CHST8: variants seen among roughly 807,000 people sequenced by gnomAD.
The protein encoded by CHST8 is carbohydrate sulfotransferase 8, also known as GALNAC-4-ST1.
CHST8 carries 10 observed loss-of-function variants against 15.0 expected under a neutral mutation model. The observed-to-expected ratio is 0.67, with a 90% CI of 0.41 to 1.13. The LOEUF is 1.13. Ranked by LOEUF, CHST8 falls within the 50% of genes most tolerant of loss-of-function variation. The probability of loss-of-function intolerance (pLI) is 0.00; values close to 1 mark genes in which losing one functional copy is unlikely to be tolerated. For missense variants in CHST8, 634 were observed against 608.2 expected (o/e 1.04, Z -0.45); for synonymous variants, 259 against 256.6 (o/e 1.01, Z -0.09).
chr19:33,693,324 A>G (rs1973135908), intron 3 of CHST8, among the ~76,000 whole-genome samples: 1 of 152,120 alleles, frequency 6.6e-6, no homozygotes, highest in African/African-American at 2.4e-5. Context: ...AAATATTTCA[A>G]TATATTTCTC....
Position 33,647,661 on chromosome 19 carries a change from C to T in CHST8, c.-163-20106C>T, listed in dbSNP as rs796432295. On this transcript the variant is annotated intron_variant, in intron 1 of 4. Coordinates refer to ENST00000650847, the MANE Select transcript of CHST8 (RefSeq NM_001127895.2). ...AGGAGTTCGAGACCAGCCTGGCCAA[C>T]ATGATGAAACCCTGTCTCTACTAAA... Among the ~76,000 whole-genome samples the T allele has an allele frequency of 2.6e-5, 4 of 152,056 alleles. No homozygotes were observed. The South Asian group carries it at 6.2e-4, about 24-fold the overall frequency.
At chr19:33,714,441 C>T (rs764818104) in intron 3 of CHST8, among the ~76,000 whole-genome samples, 68 of 152,256 alleles carry the variant, frequency 4.5e-4, no homozygotes, top group Admixed American at 1.0e-3. Context: ...GGGAGCTAAA[C>T]GATGGGTACC....
chr19:33,621,975 C>G lies in CHST8; in HGVS notation c.-485C>G, dbSNP rs754991418. The G allele has an allele frequency of 3.9e-5, 6 of 152,030 alleles. No homozygotes were observed. Among genetic ancestry groups the G allele is most frequent in the Non-Finnish European group, 8.8e-5 (6 of 68,000 alleles). 9.4% of individuals were successfully genotyped at this position (152,030 alleles called of 1,614,324 possible). ...CTCACTTCGCTGGGAGCCTTCCCGG[C>G]GCGCAAGCCGGATCCGGCAGTGCTG... On this transcript the variant is annotated 5_prime_UTR_variant, in exon 1 of 5. Coordinates refer to ENST00000650847, the MANE Select transcript of CHST8 (RefSeq NM_001127895.2).
At chr19:33,656,657 T>G (rs1300830513) in intron 1 of CHST8, among the ~76,000 whole-genome samples, 1 of 152,014 alleles carries the variant, frequency 6.6e-6, no homozygotes, top group African/African-American at 2.4e-5. Flanking sequence ...CACCTCAGCC[T>G]CCCAAAATAG....
chr19:33,772,965 G>C lies in CHST8; in HGVS notation c.1177G>C (p.Ala393Pro). 1 of 1,613,572 alleles carries C rather than the reference G, an allele frequency of 6.2e-7. No homozygotes were observed. The highest frequency in any genetic ancestry group is 2.2e-5 in the East Asian group (1 of 44,882). The change falls in exon 5 of 5, where the codon GCC becomes CCC. Residue 393 changes from alanine to proline, a missense_variant. Transcript: ENST00000650847. The stretch of plus-strand genomic sequence containing the variant: ...AGCGAGGATCGCCCACCAGTACTTC[G>C]CCCAACTCTCGGCCCTGCAAAGGCA... The part of the protein sequence containing the change: ...TTARIAHQYF[A>P]QLSALQRQRT...
intron 1 of CHST8, among the ~76,000 whole-genome samples, chr19:33,653,596 G>T (rs1053007182): frequency 3.3e-5 from 5 of 152,164 alleles, no homozygotes; most frequent in African/African-American, 1.2e-4. Context: ...CAAGTCACAT[G>T]TATGAAGGAC....
chr19:33,757,393 A>G (rs181857908), intron 3 of CHST8, among the ~76,000 whole-genome samples: 75 of 5,020 alleles, frequency 0.015, 5 homozygotes, highest in East Asian at 0.055. Context: ...AAAAGAAGAA[A>G]GAAAGAAAGA....
intron 3 of CHST8, among the ~76,000 whole-genome samples, chr19:33,759,136 A>G (rs1974665977): frequency 6.6e-6 from 1 of 151,318 alleles, no homozygotes; most frequent in Non-Finnish European, 1.5e-5. Flanking sequence ...CCCCACCAGG[A>G]CCCACCCCCA....
chr19:33,722,091 GGATGGATGGATGGATGGAT>G (rs1301624910), intron 3 of CHST8, among the ~76,000 whole-genome samples: 1 of 151,038 alleles, frequency 6.6e-6, no homozygotes, highest in East Asian at 2.0e-4. Flanking sequence ...ATGGATGGAT[GGATGGATGGATGGATGGAT>G]GAAGGGATGG....
intron 1 of CHST8, among the ~76,000 whole-genome samples, chr19:33,624,641 G>A (rs1018630409): frequency 6.6e-6 from 1 of 152,318 alleles, no homozygotes; most frequent in South Asian, 2.1e-4. Flanking sequence ...CTCAGAATTT[G>A]TCTTCAGTTC....
intron 3 of CHST8, among the ~76,000 whole-genome samples, chr19:33,744,890 A>G (rs1293969911): frequency 1.3e-5 from 2 of 152,150 alleles, no homozygotes; most frequent in Non-Finnish European, 2.9e-5. Context: ...CTGGGATTAC[A>G]GGTGCCTGCC....
chr19:33,667,573 C>T (rs565446666), intron 1 of CHST8, among the ~76,000 whole-genome samples, 194 bp from the exon 2 acceptor site: 3 of 152,026 alleles, frequency 2.0e-5, no homozygotes, highest in Admixed American at 1.3e-4. Context: ...GTCTGTTTTG[C>T]GAGATGATTC....
chr19:33,722,261 T>G (rs1599585548), intron 3 of CHST8, among the ~76,000 whole-genome samples: 39 of 117,896 alleles, frequency 3.3e-4, no homozygotes, highest in South Asian at 5.6e-4. Flanking sequence ...AGGGAGGGAG[T>G]GATAGATGAA....
chr19:33,662,149 C>T (rs974260254), intron 1 of CHST8, among the ~76,000 whole-genome samples: 3 of 152,096 alleles, frequency 2.0e-5, no homozygotes, highest in Non-Finnish European at 2.9e-5. Context: ...GGCATGACCT[C>T]GGCTCACTGC....
intron 3 of CHST8, among the ~76,000 whole-genome samples, chr19:33,726,513 G>A (rs1374495487): frequency 6.6e-6 from 1 of 152,150 alleles, no homozygotes; most frequent in Non-Finnish European, 1.5e-5. Flanking sequence ...CCTCCAGCCT[G>A]GGTGACAGAG....
At chr19:33,746,362 G>A (rs575896326) in intron 3 of CHST8, among the ~76,000 whole-genome samples, 53 of 151,502 alleles carry the variant, frequency 3.5e-4, no homozygotes, top group Non-Finnish European at 6.5e-4. Context: ...TCCCCGCACC[G>A]CCCCCGGCAA....
intron 2 of CHST8, among the ~76,000 whole-genome samples, chr19:33,681,501 A>C (rs112516363): frequency 0.042 from 6,354 of 152,226 alleles, 438 homozygotes; most frequent in African/African-American, 0.14. Context: ...CTCCCTGAGG[A>C]CATGTCATGG....
At chr19:33,745,800 G>C (rs934482846) in intron 3 of CHST8, among the ~76,000 whole-genome samples, 150 of 152,364 alleles carry the variant, frequency 9.8e-4, no homozygotes, top group Non-Finnish European at 1.4e-3. Flanking sequence ...CAGCCCCTTG[G>C]GTGAGGGGAC....
intron 3 of CHST8, among the ~76,000 whole-genome samples, chr19:33,717,844 C>A (rs949434910): frequency 5.9e-5 from 9 of 152,156 alleles, no homozygotes; most frequent in African/African-American, 2.2e-4. Context: ...CTCCTGTGGC[C>A]ACCTTGTATT....
Sources: allele counts gnomAD v4.1 joint callset (sites outside exome capture counted in the v4.1 genomes callset), GRCh38; gene constraint gnomAD v4.1.1; transcripts MANE v1.5; gene names NCBI Gene and HGNC (gene_info 2026-07-23, HGNC 2026-07-21).